The following PCDH15 variants were observed in gnomAD, a reference collection of about 807,000 sequenced individuals.
The protein encoded by PCDH15 is protocadherin-15.
PCDH15 carries 129 observed loss-of-function variants against 178.5 expected under a neutral mutation model. The ratio of observed to expected loss-of-function variants is 0.72; its 90% CI spans 0.63 to 0.84. PCDH15 has a LOEUF of 0.84. Ranked by LOEUF, PCDH15 falls within the 40% of genes least tolerant of loss-of-function variation. The probability of loss-of-function intolerance (pLI) is 0.00; values close to 1 mark genes in which losing one functional copy is unlikely to be tolerated. For synonymous variants in PCDH15, 800 were observed against 732.0 expected, an observed-to-expected ratio of 1.09 and a Z score of -1.50; for missense variants, 2,230 against 2,099.9, an observed-to-expected ratio of 1.06 and a Z score of -1.21.
At chr10:54,639,242 ATAT>A (rs1030205470) in intron 2 of PCDH15, among the ~76,000 whole-genome samples, 4 of 152,308 alleles carry the variant, frequency 2.6e-5, no homozygotes, top group Non-Finnish European at 5.9e-5. Context: ...TTGAAAGTTA[ATAT>A]TATTTTCAAC....
In PCDH15 at chr10:53,938,959, G is replaced by A. The variant is rs368331130; in HGVS notation, c.3233-4C>T. ...ATGTTATTAATTCCAAATGTATCTA[G>A]AAATTAAAATACAATTACCTGGTCA... On this transcript the variant is annotated splice_region_variant and splice_polypyrimidine_tract_variant and intron_variant, in intron 24 of 37. Coordinates refer to ENST00000644397, the MANE Select transcript of PCDH15 (RefSeq NM_001384140.1). 1 of 1,611,542 alleles carries A rather than the reference G, an allele frequency of 6.2e-7. No homozygotes were observed. Among genetic ancestry groups the A allele is most frequent in the African/African-American group, 1.3e-5 (1 of 74,932 alleles).
chr10:54,285,115 T>C (rs1482847806), intron 8 of PCDH15, among the ~76,000 whole-genome samples: 1 of 152,198 alleles, frequency 6.6e-6, no homozygotes, highest in Non-Finnish European at 1.5e-5. Context: ...ACCTACTGTT[T>C]CCTGGCCTTG....
intron 1 of PCDH15, among the ~76,000 whole-genome samples, chr10:54,752,481 AAAAAAAAAAAC>A (rs2132997637): frequency 1.1e-5 from 1 of 89,988 alleles, no homozygotes; most frequent in East Asian, 2.2e-4. Context: ...CGTCTCAAAA[AAAAAAAAAAAC>A]AAAAAACAAA....
chr10:55,158,642 T>C (rs1838965289), intron 2 of PCDH15, among the ~76,000 whole-genome samples: 1 of 148,752 alleles, frequency 6.7e-6, no homozygotes. Context: ...GACAAATACA[T>C]GAAATCATTA....
intron 2 of PCDH15, among the ~76,000 whole-genome samples, chr10:55,068,777 G>GTT (rs1841635397): frequency 6.6e-6 from 1 of 151,760 alleles, no homozygotes; most frequent in Non-Finnish European, 1.5e-5. Context: ...CATTGTGTGT[G>GTT]TGTGTGTGCG....
At chr10:54,744,994 G>T (rs1010333490) in intron 1 of PCDH15, among the ~76,000 whole-genome samples, 88 of 152,108 alleles carry the variant, frequency 5.8e-4, no homozygotes, top group African/African-American at 2.0e-3. Context: ...TCTTAACAAA[G>T]AATTTATTTG....
At position 54,267,902 on chromosome 10, in the gene PCDH15, T is replaced by A. The variant is rs183236193; in HGVS notation, c.877-30971A>T. Among the ~76,000 whole-genome samples the A allele has an allele frequency of 2.7e-3, 409 of 151,890 alleles. 1 individual carries two copies. The highest frequency in any genetic ancestry group is 9.4e-3 in the African/African-American group (392 of 41,514). On this transcript the variant is annotated intron_variant, in intron 8 of 37. Transcript: ENST00000644397. ...AGTTCCTATGAAACTGCCAAAATCATTTTTTACACAGAATTAGAAAATTGA... is the reference window on the plus strand; with the variant it reads ...AGTTCCTATGAAACTGCCAAAATCAATTTTTACACAGAATTAGAAAATTGA...
In PCDH15 at chr10:53,806,832, C is replaced by CCCTT; in HGVS notation, c.4966_4969dup (p.Gly1657GlufsTer7). 1 of 1,613,798 alleles carries CCCTT rather than the reference C, an allele frequency of 6.2e-7. No individual in the cohort carries two copies. Among genetic ancestry groups the CCCTT allele is most frequent in the East Asian group, 2.2e-5 (1 of 44,852 alleles). The stretch of plus-strand genomic sequence containing the variant: ...ATTCATTTTTTCAGTAGAAAATGGC[C>CCCTT]CCTTTGATAATGTGTTCAGAGGTAC... On this transcript the variant is annotated frameshift_variant, in exon 38 of 38. Transcript: ENST00000644397. LOFTEE classifies it high-confidence loss of function.
chr10:55,003,268 T>C (rs1839837816), intron 2 of PCDH15, among the ~76,000 whole-genome samples: 1 of 152,200 alleles, frequency 6.6e-6, no homozygotes, highest in African/African-American at 2.4e-5. Context: ...TGAAAAGGAC[T>C]CTGGAATGCA....
chr10:55,245,641 C>T (rs764394373), intron 1 of PCDH15, among the ~76,000 whole-genome samples: 16 of 151,994 alleles, frequency 1.1e-4, no homozygotes, highest in Non-Finnish European at 2.2e-4. Context: ...CAAACAGAGG[C>T]GAATACTCTG....
chr10:55,444,951 T>G (rs963189791), intron 2 of PCDH15, among the ~76,000 whole-genome samples: 1 of 152,084 alleles, frequency 6.6e-6, no homozygotes, highest in African/African-American at 2.4e-5. Flanking sequence ...CTGAAGATGA[T>G]GAATATATTT....
At chr10:54,777,423 C>T (rs1207345449) in intron 1 of PCDH15, among the ~76,000 whole-genome samples, 1 of 152,076 alleles carries the variant, frequency 6.6e-6, no homozygotes, top group Non-Finnish European at 1.5e-5. Flanking sequence ...AGCGGAACTT[C>T]AAGGAAATAT....
At chr10:54,434,020 ATCTTG>A (rs2075206960) in intron 3 of PCDH15, among the ~76,000 whole-genome samples, 1 of 152,186 alleles carries the variant, frequency 6.6e-6, no homozygotes, top group Non-Finnish European at 1.5e-5. Context: ...ATAGATCCAC[ATCTTG>A]TGTAGCCCTA....
intron 2 of PCDH15, among the ~76,000 whole-genome samples, chr10:55,379,022 GT>G (rs1328631178): frequency 6.6e-6 from 1 of 151,744 alleles, no homozygotes; most frequent in Non-Finnish European, 1.5e-5. Flanking sequence ...CAACCCAGTG[GT>G]TTTGACATTT....
chr10:54,491,252 C>T (rs1264709390), intron 3 of PCDH15, among the ~76,000 whole-genome samples: 1 of 148,078 alleles, frequency 6.8e-6, no homozygotes, highest in Non-Finnish European at 1.5e-5. Flanking sequence ...AGTCTCTTCT[C>T]ATATTTTAAA....
chr10:54,030,076 A>T (rs2093247862), intron 18 of PCDH15, among the ~76,000 whole-genome samples: 1 of 152,166 alleles, frequency 6.6e-6, no homozygotes, highest in African/African-American at 2.4e-5. Context: ...GACAAAAATC[A>T]GCCCCAAGGA....
chr10:53,826,136 A>G (rs1313551393), intron 32 of PCDH15, among the ~76,000 whole-genome samples: 1 of 151,764 alleles, frequency 6.6e-6, no homozygotes, highest in Non-Finnish European at 1.5e-5. Flanking sequence ...ACATTCACCA[A>G]TAATTAATTA....
intron 1 of PCDH15, among the ~76,000 whole-genome samples, chr10:54,727,224 C>A (rs751366481): frequency 5.7e-5 from 8 of 141,462 alleles, no homozygotes; most frequent in Non-Finnish European, 1.1e-4. Context: ...TTAAAAAAAA[C>A]ACATGCACAC....
chr10:54,288,204 C>T (rs184334366), intron 8 of PCDH15, among the ~76,000 whole-genome samples: 1 of 152,094 alleles, frequency 6.6e-6, no homozygotes, highest in Non-Finnish European at 1.5e-5. Flanking sequence ...TCTGTAGTCT[C>T]AGCTACTTGG....
Sources: gnomAD v4.1 joint callset for allele counts (sites outside exome capture counted in the v4.1 genomes callset) on GRCh38, gnomAD v4.1.1 for gene constraint, MANE v1.5 for transcripts, NCBI Gene and HGNC (gene_info 2026-07-23, HGNC 2026-07-21) for gene names.